The following BRINP1 variants were observed in gnomAD, a reference collection of about 807,000 sequenced individuals.
BRINP1 encodes the protein BMP/retinoic acid-inducible neural-specific protein 1.
A neutral mutation model predicts 72.9 loss-of-function variants in BRINP1; 17 were observed. That is an observed-to-expected ratio of 0.23 (90% confidence interval 0.16 to 0.35). The LOEUF is 0.35. Among genes scored for constraint, BRINP1 ranks in the 10% least tolerant of loss-of-function variants. The pLI is 1.00. For missense variants in BRINP1, 850 were observed against 1,001.6 expected, an observed-to-expected ratio of 0.85 and a Z score of 2.04; for synonymous variants, 418 against 378.5, an observed-to-expected ratio of 1.10 and a Z score of -1.21.
intron 7 of BRINP1, among the ~76,000 whole-genome samples, chr9:119,190,340 GA>G (rs200422488): frequency 2.7e-5 from 4 of 148,870 alleles, no homozygotes; most frequent in African/African-American, 5.0e-5. Flanking sequence ...AAAAGTCATG[GA>G]AAAAAAATCA....
intron 2 of BRINP1, among the ~76,000 whole-genome samples, chr9:119,267,636 C>CAATAAATAAATAAATA (rs139819911): frequency 8.3e-5 from 12 of 145,150 alleles, no homozygotes; most frequent in Admixed American, 4.1e-4. Flanking sequence ...AACTCCATCT[C>CAATAAATAAATAAATA]AATAAATAAA....
chr9:119,207,346 A>C (rs541150231), intron 7 of BRINP1, among the ~76,000 whole-genome samples: 37 of 152,348 alleles, frequency 2.4e-4, no homozygotes, highest in Non-Finnish European at 3.4e-4. Context: ...AGATTTATTA[A>C]AGTTGGTTCA....
At chr9:119,287,506 TA>T (rs1396738645) in intron 2 of BRINP1, among the ~76,000 whole-genome samples, 2 of 152,172 alleles carry the variant, frequency 1.3e-5, no homozygotes, top group African/African-American at 4.8e-5. Context: ...ATTGGTGAGA[TA>T]CATCAGAATA....
At chr9:119,211,052 A>G (rs1273616102) in intron 6 of BRINP1, among the ~76,000 whole-genome samples, 1 of 152,232 alleles carries the variant, frequency 6.6e-6, no homozygotes, top group Middle Eastern at 3.2e-3. Context: ...CATGGAAAAC[A>G]TAAAGCTTAT....
At chr9:119,217,527 A>G (rs140857112) in intron 5 of BRINP1, among the ~76,000 whole-genome samples, 323 of 152,290 alleles carry the variant, frequency 2.1e-3, no homozygotes, top group African/African-American at 7.1e-3. Flanking sequence ...CAATCTTTTT[A>G]TATATTAAAA....
chr9:119,307,385 T>C (rs1040100538), intron 2 of BRINP1, among the ~76,000 whole-genome samples: 2 of 152,136 alleles, frequency 1.3e-5, no homozygotes, highest in African/African-American at 4.8e-5. Context: ...TGGATCAAAA[T>C]TGTACCGAAC....
intron 1 of BRINP1, among the ~76,000 whole-genome samples, chr9:119,334,681 T>A (rs1405660305): frequency 6.6e-6 from 1 of 151,946 alleles, no homozygotes; most frequent in African/African-American, 2.4e-5. Flanking sequence ...AAGGTAGACT[T>A]AAGTGTTTTC....
chr9:119,308,299 G>A (rs561764264), intron 2 of BRINP1, among the ~76,000 whole-genome samples: 2 of 152,284 alleles, frequency 1.3e-5, no homozygotes, highest in East Asian at 3.9e-4. Context: ...TTTACTGCAT[G>A]ATATCAAGAT....
intron 2 of BRINP1, among the ~76,000 whole-genome samples, chr9:119,263,227 A>C (rs1830514429): frequency 6.6e-6 from 1 of 152,208 alleles, no homozygotes; most frequent in African/African-American, 2.4e-5. Context: ...GAGATTAGTC[A>C]AAACTTAGCA....
At chr9:119,367,221 G>GTGTGATATATATAT (rs1564259756) in intron 1 of BRINP1, among the ~76,000 whole-genome samples, 3 of 99,850 alleles carry the variant, frequency 3.0e-5, no homozygotes, top group Non-Finnish European at 5.7e-5. Context: ...GTGTGTGATT[G>GTGTGATATATATAT]ATATATATAT....
chr9:119,243,860 C>T (rs1188913447), intron 3 of BRINP1, among the ~76,000 whole-genome samples: 1 of 152,042 alleles, frequency 6.6e-6, no homozygotes, highest in Non-Finnish European at 1.5e-5. Context: ...TTTTAATATA[C>T]CAGGTGAATA....
At chr9:119,258,577 C>T (rs547795578) in intron 2 of BRINP1, among the ~76,000 whole-genome samples, 20 of 152,272 alleles carry the variant, frequency 1.3e-4, no homozygotes, top group African/African-American at 4.8e-4. Context: ...TAGGCACTCA[C>T]GGCCATCACT....
chr9:119,233,404 A>C (rs1830164986), intron 5 of BRINP1, among the ~76,000 whole-genome samples: 1 of 152,176 alleles, frequency 6.6e-6, no homozygotes, highest in South Asian at 2.1e-4. Context: ...AAATATACAT[A>C]AATAAGCAAA....
At chr9:119,213,240 C>T (rs1453756067) in intron 6 of BRINP1, among the ~76,000 whole-genome samples, 2 of 152,182 alleles carry the variant, frequency 1.3e-5, no homozygotes, top group East Asian at 1.9e-4. Context: ...CTTGACATTT[C>T]CTAATCATTG....
chr9:119,267,743 T>C (rs896675625), intron 2 of BRINP1, among the ~76,000 whole-genome samples: 22 of 152,112 alleles, frequency 1.4e-4, no homozygotes, highest in African/African-American at 5.1e-4. Context: ...ACAACATAAA[T>C]GTGAATTGTC....
At chr9:119,312,818 A>C (rs900726045) in intron 2 of BRINP1, among the ~76,000 whole-genome samples, 3 of 152,196 alleles carry the variant, frequency 2.0e-5, no homozygotes, top group African/African-American at 7.2e-5. Flanking sequence ...TGATGACCTA[A>C]TTTGTAAAGT....
At chr9:119,260,832 G>A (rs916883732) in intron 2 of BRINP1, among the ~76,000 whole-genome samples, 2 of 152,082 alleles carry the variant, frequency 1.3e-5, no homozygotes, top group African/African-American at 2.4e-5. Flanking sequence ...CAATGGGGTG[G>A]GGGTCGTCTA....
chr9:119,355,734 A>T (rs1418530521), intron 1 of BRINP1, among the ~76,000 whole-genome samples: 1 of 151,714 alleles, frequency 6.6e-6, no homozygotes. Context: ...GTCTCAAAAA[A>T]AAAAAAAAAA....
At chr9:119,169,009 T>C (rs1291287398) in intron 7 of BRINP1, among the ~76,000 whole-genome samples, 1 of 152,166 alleles carries the variant, frequency 6.6e-6, no homozygotes, top group Non-Finnish European at 1.5e-5. Flanking sequence ...TATAAATCAT[T>C]CTACTATAAA....
Sources: allele counts gnomAD v4.1 joint callset (sites outside exome capture counted in the v4.1 genomes callset), GRCh38; gene constraint gnomAD v4.1.1; transcripts MANE v1.5; gene names NCBI Gene and HGNC (gene_info 2026-07-23, HGNC 2026-07-21).